GCNT2: variants seen among roughly 807,000 people sequenced by gnomAD.
The protein encoded by GCNT2 is glucosaminyl (N-acetyl) transferase 2 (I blood group).
GCNT2 carries 34 observed loss-of-function variants against 34.2 expected under a neutral mutation model. That is an observed-to-expected ratio of 1.00 (90% CI 0.76 to 1.32). GCNT2 has a LOEUF of 1.32. Among genes scored for constraint, GCNT2 ranks in the 40% most tolerant of loss-of-function variants. The probability of loss-of-function intolerance (pLI) is 0.00; values close to 1 mark genes in which losing one functional copy is unlikely to be tolerated. For missense variants in GCNT2, 584 were observed against 489.4 expected (o/e 1.19, Z -1.82); for synonymous variants, 212 against 188.0 (o/e 1.13, Z -1.04).
intron 3 of GCNT2, among the ~76,000 whole-genome samples, chr6:10,572,590 C>T (rs927505285): frequency 3.3e-5 from 5 of 152,162 alleles, no homozygotes; most frequent in Admixed American, 6.5e-5. Context: ...AAAAATTAGC[C>T]GGACCTAGTG....
At chr6:10,605,384 TTTC>T (rs1765264789) in intron 3 of GCNT2, among the ~76,000 whole-genome samples, 3 of 151,528 alleles carry the variant, frequency 2.0e-5, no homozygotes, top group East Asian at 3.9e-4. Context: ...TTTTTTTTTT[TTTC>T]TTTGTAGAGA....
At chr6:10,614,844 C>T (rs530035671) in intron 3 of GCNT2, among the ~76,000 whole-genome samples, 87 of 152,188 alleles carry the variant, frequency 5.7e-4, no homozygotes, top group Non-Finnish European at 1.1e-3. Context: ...GGAATGGACG[C>T]GCGTTCATTC....
intron 3 of GCNT2, among the ~76,000 whole-genome samples, chr6:10,606,983 G>A (rs993827064): frequency 1.3e-5 from 2 of 151,754 alleles, no homozygotes; most frequent in Non-Finnish European, 2.9e-5. Flanking sequence ...GTCTCACTCT[G>A]TCACCCAGGC....
intron 3 of GCNT2, among the ~76,000 whole-genome samples, chr6:10,572,080 G>A (rs1554132043): frequency 6.6e-6 from 1 of 152,130 alleles, no homozygotes; most frequent in Non-Finnish European, 1.5e-5. Flanking sequence ...CTCTAGTACT[G>A]AAATCCCGTG....
intron 3 of GCNT2, chr6:10,556,591 A>G (rs1326679281): frequency 3.7e-6 from 6 of 1,614,110 alleles, no homozygotes; most frequent in Non-Finnish European, 5.1e-6. Context: ...ATGGAAAAAC[A>G]CGTTTCCTGT....
Position 10,584,211 on chromosome 6 carries a change from A to C in GCNT2, c.926-37140A>C, listed in dbSNP as rs140901427. Among the ~76,000 whole-genome samples, 21 of 152,240 alleles carry C rather than the reference A, an allele frequency of 1.4e-4. No individual in the cohort carries two copies. The East Asian group carries it at 4.1e-3, about 29-fold the overall frequency. On this transcript the variant is annotated intron_variant, in intron 3 of 4. Coordinates refer to ENST00000495262, the MANE Select transcript of GCNT2 (RefSeq NM_145649.5). ...GAGAGGGTCAGCAGAAAAACATGTGAGTAAAGGAATCTGTGTCATAAATAA... is the reference window on the plus strand; with the variant it reads ...GAGAGGGTCAGCAGAAAAACATGTGCGTAAAGGAATCTGTGTCATAAATAA...
At chr6:10,573,763 G>A (rs1763661952) in intron 3 of GCNT2, among the ~76,000 whole-genome samples, 1 of 152,184 alleles carries the variant, frequency 6.6e-6, no homozygotes, top group East Asian at 1.9e-4. Context: ...CAGCTCACTG[G>A]AGTAACCAAG....
intron 3 of GCNT2, among the ~76,000 whole-genome samples, chr6:10,549,253 A>C (rs1284264698): frequency 6.6e-6 from 1 of 152,200 alleles, no homozygotes; most frequent in Non-Finnish European, 1.5e-5. Flanking sequence ...CCTGCTCTAT[A>C]GTAACTGTTG....
At chr6:10,603,411 A>C (rs960066221) in intron 3 of GCNT2, among the ~76,000 whole-genome samples, 19 of 152,198 alleles carry the variant, frequency 1.2e-4, no homozygotes, top group African/African-American at 4.6e-4. Context: ...AATGTTATTC[A>C]CAGTTGCCCT....
chr6:10,591,161 A>G (rs1023038350), intron 3 of GCNT2, among the ~76,000 whole-genome samples: 1 of 152,186 alleles, frequency 6.6e-6, no homozygotes, highest in Non-Finnish European at 1.5e-5. Context: ...CCTTAAGCAT[A>G]AGAAAAGTGA....
intron 2 of GCNT2, among the ~76,000 whole-genome samples, 174 bp downstream of exon 2, chr6:10,527,834 A>G (rs979792933): frequency 9.2e-5 from 14 of 152,078 alleles, no homozygotes; most frequent in Non-Finnish European, 1.8e-4. Flanking sequence ...TATTCTCACA[A>G]TTGACCTCTG....
In GCNT2 at chr6:10,529,825, A is replaced by G. The variant is rs1431052895; in HGVS notation, c.914A>G (p.Asn305Ser). The change falls in exon 3 of 5, where the codon AAC (asparagine) becomes AGC (serine). Residue 305 changes from asparagine (N) to serine (S), a missense_variant. Transcript: ENST00000495262. Reference sequence around the variant, plus strand: ...GACGAACATTTCTGGGTGACACTCAACAGGATTCCCGGTATGTACGTCTCT... The same window carrying G: ...GACGAACATTTCTGGGTGACACTCAGCAGGATTCCCGGTATGTACGTCTCT... ...SPDEHFWVTL[N>S]RIPGVPGSMP... The G allele has an allele frequency of 6.2e-7, 1 of 1,613,014 alleles. No homozygotes were observed. The highest frequency in any genetic ancestry group is 8.5e-7 in the Non-Finnish European group (1 of 1,179,028).
chr6:10,551,743 AT>A (rs995321865), intron 3 of GCNT2, among the ~76,000 whole-genome samples: 2 of 144,046 alleles, frequency 1.4e-5, no homozygotes, highest in East Asian at 4.2e-4. Context: ...GCGCCTGGCT[AT>A]TTTTTTTTAT....
chr6:10,580,041 G>C (rs149418155), intron 3 of GCNT2, among the ~76,000 whole-genome samples: 3 of 152,064 alleles, frequency 2.0e-5, no homozygotes, highest in African/African-American at 7.2e-5. Flanking sequence ...TTTTATGATC[G>C]TGTCTAAACT....
chr6:10,600,312 A>G (rs1261372925), intron 3 of GCNT2, among the ~76,000 whole-genome samples: 1 of 152,240 alleles, frequency 6.6e-6, no homozygotes, highest in Non-Finnish European at 1.5e-5. Context: ...GGTATACTAT[A>G]TAATACAGTT....
In GCNT2 at chr6:10,528,736, G is replaced by A. The variant is rs1761318222; in HGVS notation, c.-176G>A. The A allele has an allele frequency of 3.1e-6, 2 of 644,562 alleles. No homozygotes were observed. Among genetic ancestry groups the A allele is most frequent in the Non-Finnish European group, 5.5e-6 (2 of 362,880 alleles). 39.9% of individuals were successfully genotyped at this position (644,562 alleles called of 1,614,324 possible). ...AATGCAACCTAGTGGTAAGTGAAGA[G>A]GGGAAGAAGAAAGAAAAAGGACCAG... On this transcript the variant is annotated 5_prime_UTR_variant, in exon 3 of 5. Coordinates refer to ENST00000495262, the MANE Select transcript of GCNT2 (RefSeq NM_145649.5).
intron 3 of GCNT2, among the ~76,000 whole-genome samples, chr6:10,555,563 G>C (rs1306160176): frequency 6.6e-6 from 1 of 152,152 alleles, no homozygotes; most frequent in Admixed American, 6.5e-5. Flanking sequence ...ATAACTCAGT[G>C]GATGTAGCTC....
intron 3 of GCNT2, among the ~76,000 whole-genome samples, chr6:10,579,275 C>T (rs1763960867): frequency 6.6e-6 from 1 of 152,086 alleles, no homozygotes; most frequent in African/African-American, 2.4e-5. Flanking sequence ...CTATTAAAAA[C>T]AATGACTCAA....
intron 3 of GCNT2, among the ~76,000 whole-genome samples, chr6:10,608,592 A>G (rs1713088297): frequency 6.6e-6 from 1 of 152,230 alleles, no homozygotes; most frequent in Non-Finnish European, 1.5e-5. Flanking sequence ...CTAGCCACTC[A>G]GGAGGGTGAC....
Sources: gnomAD v4.1 joint callset for allele counts (sites outside exome capture counted in the v4.1 genomes callset) on GRCh38, gnomAD v4.1.1 for gene constraint, MANE v1.5 for transcripts, NCBI Gene and HGNC (gene_info 2026-07-23, HGNC 2026-07-21) for gene names.